The following UBE2E2 variants were observed in gnomAD, a reference collection of about 807,000 sequenced individuals.
UBE2E2 encodes ubiquitin conjugating enzyme E2 E2.
A neutral mutation model predicts 24.7 loss-of-function variants in UBE2E2; 6 were observed. That is an observed-to-expected ratio of 0.24 (90% CI 0.13 to 0.48). The LOEUF is 0.48. UBE2E2 is among the 20% of genes least tolerant of loss of function. The pLI, the probability that UBE2E2 is intolerant of heterozygous loss-of-function variation, is 0.99. For missense variants in UBE2E2, 169 were observed against 245.0 expected, an observed-to-expected ratio of 0.69 and a Z score of 2.07; for synonymous variants, 104 against 83.6, an observed-to-expected ratio of 1.24 and a Z score of -1.33.
At chr3:23,562,664 C>T (rs1339250152) in intron 5 of UBE2E2, among the ~76,000 whole-genome samples, 1 of 152,096 alleles carries the variant, frequency 6.6e-6, no homozygotes, top group Admixed American at 6.5e-5. Context: ...CTCCTTGTAC[C>T]TCTGGTAGAA....
At chr3:23,219,420 A>G (rs999534444) in intron 3 of UBE2E2, among the ~76,000 whole-genome samples, 1 of 152,136 alleles carries the variant, frequency 6.6e-6, no homozygotes, top group Non-Finnish European at 1.5e-5. Context: ...TTTGTAGTTA[A>G]TCTGCCCATC....
At chr3:23,475,380 C>T (rs903019024) in intron 3 of UBE2E2, among the ~76,000 whole-genome samples, 2 of 152,050 alleles carry the variant, frequency 1.3e-5, no homozygotes, top group Non-Finnish European at 2.9e-5. Flanking sequence ...GTCCTCCAAA[C>T]TCAATATGAT....
At chr3:23,374,606 C>T (rs1696473566) in intron 3 of UBE2E2, among the ~76,000 whole-genome samples, 1 of 152,162 alleles carries the variant, frequency 6.6e-6, no homozygotes, top group South Asian at 2.1e-4. Context: ...GCTCTAAATT[C>T]ATGTCTCCCC....
At chr3:23,273,416 A>C (rs1302643239) in intron 3 of UBE2E2, among the ~76,000 whole-genome samples, 1 of 152,080 alleles carries the variant, frequency 6.6e-6, no homozygotes, top group South Asian at 2.1e-4. Context: ...CTGTAGTCCC[A>C]GCTACTTGGG....
chr3:23,438,280 T>A (rs1698226261), intron 3 of UBE2E2, among the ~76,000 whole-genome samples: 1 of 152,146 alleles, frequency 6.6e-6, no homozygotes, highest in South Asian at 2.1e-4. Context: ...TTCCTCATGC[T>A]GGAGCAAGAG....
chr3:23,215,747 T>C lies in UBE2E2; in HGVS notation c.177-1515T>C, dbSNP rs928529981. Reference sequence around the variant, plus strand: ...TTTATTCCTTTTTGCATTTTCTGTATGTCCCCTACCCACCCAGTGGGGTCC... The same window carrying C: ...TTTATTCCTTTTTGCATTTTCTGTACGTCCCCTACCCACCCAGTGGGGTCC... On this transcript the variant is annotated intron_variant, in intron 2 of 5. Coordinates refer to ENST00000396703, the MANE Select transcript of UBE2E2 (RefSeq NM_152653.4). Among the ~76,000 whole-genome samples, 10 of 152,290 alleles carry C rather than the reference T, an allele frequency of 6.6e-5. 2 individuals are homozygous for C. Among genetic ancestry groups the C allele is most frequent in the Admixed American group, 1.3e-4 (2 of 15,276 alleles).
chr3:23,424,853 A>G (rs1352193118), intron 3 of UBE2E2, among the ~76,000 whole-genome samples: 1 of 152,180 alleles, frequency 6.6e-6, no homozygotes, highest in Non-Finnish European at 1.5e-5. Context: ...AGAGGTACTA[A>G]GCCAAATAAT....
At chr3:23,334,415 G>A (rs1435287357) in intron 3 of UBE2E2, among the ~76,000 whole-genome samples, 3 of 152,002 alleles carry the variant, frequency 2.0e-5, no homozygotes, top group Non-Finnish European at 2.9e-5. Context: ...CCGTTGGTGT[G>A]TAAACGTCCT....
chr3:23,410,222 A>G (rs893288596), intron 3 of UBE2E2, among the ~76,000 whole-genome samples: 1 of 152,226 alleles, frequency 6.6e-6, no homozygotes, highest in African/African-American at 2.4e-5. Context: ...ATCTGAAAAT[A>G]TAATGGGAAC....
chr3:23,447,746 T>C (rs1428126453), intron 3 of UBE2E2, among the ~76,000 whole-genome samples: 1 of 152,026 alleles, frequency 6.6e-6, no homozygotes, highest in African/African-American at 2.4e-5. Context: ...TCAAGAAGAG[T>C]AATATAATTT....
At chr3:23,461,913 T>G (rs143886351) in intron 3 of UBE2E2, among the ~76,000 whole-genome samples, 242 of 152,312 alleles carry the variant, frequency 1.6e-3, no homozygotes, top group African/African-American at 5.6e-3. Flanking sequence ...ACATTTATAT[T>G]AAATGTGATT....
At chr3:23,353,422 A>G (rs985202469) in intron 3 of UBE2E2, among the ~76,000 whole-genome samples, 3 of 152,160 alleles carry the variant, frequency 2.0e-5, no homozygotes, top group Admixed American at 6.6e-5. Context: ...AGGGTATTCA[A>G]TTAGGAAAAG....
intron 5 of UBE2E2, among the ~76,000 whole-genome samples, chr3:23,584,732 T>TGTTTTG (rs796206975): frequency 1.3e-5 from 1 of 76,236 alleles, no homozygotes; most frequent in African/African-American, 6.7e-5. Context: ...TTTTGTTTTT[T>TGTTTTG]TTTTTTTTTT....
chr3:23,416,984 T>C (rs1002842182), intron 3 of UBE2E2, among the ~76,000 whole-genome samples: 3 of 152,204 alleles, frequency 2.0e-5, no homozygotes, highest in African/African-American at 4.8e-5. Flanking sequence ...CTTCCTTGCA[T>C]TGGGTTAGAA....
intron 3 of UBE2E2, among the ~76,000 whole-genome samples, chr3:23,373,605 C>G (rs964772475): frequency 1.3e-5 from 2 of 152,178 alleles, no homozygotes; most frequent in Admixed American, 1.3e-4. Context: ...CAAACAGATT[C>G]TGAAGGCATT....
chr3:23,291,745 C>T (rs1417114726), intron 3 of UBE2E2, among the ~76,000 whole-genome samples: 3 of 142,932 alleles, frequency 2.1e-5, no homozygotes, highest in South Asian at 2.2e-4. Flanking sequence ...TGCAGTGGCA[C>T]GATCTTGGCT....
chr3:23,302,968 C>T (rs753965733), intron 3 of UBE2E2, among the ~76,000 whole-genome samples: 1 of 152,166 alleles, frequency 6.6e-6, no homozygotes, highest in African/African-American at 2.4e-5. Flanking sequence ...ATGACACATA[C>T]CTGTGGAACC....
At chr3:23,253,687 A>T (rs891332974) in intron 3 of UBE2E2, among the ~76,000 whole-genome samples, 1 of 152,236 alleles carries the variant, frequency 6.6e-6, no homozygotes, top group Non-Finnish European at 1.5e-5. Context: ...GGAAGTGAAC[A>T]ATATTATGTG....
chr3:23,390,920 A>C (rs558700799), intron 3 of UBE2E2, among the ~76,000 whole-genome samples: 1 of 152,354 alleles, frequency 6.6e-6, no homozygotes, highest in South Asian at 2.1e-4. Context: ...AATTGTAATC[A>C]TTCAATTTGA....
Sources: allele counts gnomAD v4.1 joint callset (sites outside exome capture counted in the v4.1 genomes callset), GRCh38; gene constraint gnomAD v4.1.1; transcripts MANE v1.5; gene names NCBI Gene and HGNC (gene_info 2026-07-23, HGNC 2026-07-21).